CBL: variants seen among roughly 807,000 people sequenced by gnomAD.
CBL encodes E3 ubiquitin-protein ligase CBL.
Under a neutral mutation model 96.9 loss-of-function variants are expected in CBL, and 45 were observed. The observed-to-expected ratio is 0.46, with a 90% CI of 0.37 to 0.60. The LOEUF (loss-of-function observed/expected upper bound fraction) is 0.60, where lower values mean the gene tolerates loss of function less well. CBL is among the 20% of genes least tolerant of loss of function. The pLI is 0.00. For synonymous variants in CBL, 420 were observed against 426.8 expected (o/e 0.98, Z 0.20); for missense variants, 1,024 against 1,143.5 (o/e 0.90, Z 1.51).
At chr11:119,216,446 A>C (rs1429404043) in intron 1 of CBL, among the ~76,000 whole-genome samples, 1 of 151,712 alleles carries the variant, frequency 6.6e-6, no homozygotes, top group East Asian at 1.9e-4. Context: ...ATCTCGGCTT[A>C]CTGCAACCTC....
chr11:119,208,420 C>T (rs1385642711), intron 1 of CBL, among the ~76,000 whole-genome samples: 2 of 148,674 alleles, frequency 1.3e-5, no homozygotes, highest in Non-Finnish European at 3.0e-5. Flanking sequence ...CGGAGTTTTT[C>T]GCTCTTGTTA....
At chr11:119,291,681 G>A (rs775983352) in intron 12 of CBL, among the ~76,000 whole-genome samples, 2 of 152,144 alleles carry the variant, frequency 1.3e-5, no homozygotes, top group African/African-American at 4.8e-5. Flanking sequence ...GCACTCCAGC[G>A]TGGGCAACAC....
intron 1 of CBL, among the ~76,000 whole-genome samples, chr11:119,222,868 A>G (rs1472192553): frequency 6.6e-6 from 1 of 152,106 alleles, no homozygotes; most frequent in Non-Finnish European, 1.5e-5. Flanking sequence ...AAAGAATATT[A>G]ATATCGAGAG....
intron 1 of CBL, among the ~76,000 whole-genome samples, chr11:119,210,684 A>G (rs1233707695): frequency 2.0e-5 from 3 of 146,426 alleles, no homozygotes; most frequent in East Asian, 4.0e-4. Context: ...CCTGGCCTCA[A>G]TTGATCTGCC....
intron 9 of CBL, 44 bp downstream of exon 9, chr11:119,278,757 G>A (rs1363835369): frequency 6.7e-7 from 1 of 1,492,216 alleles, no homozygotes; most frequent in Non-Finnish European, 9.3e-7. Context: ...ATTGTGAGTT[G>A]TCTTCTAAAG....
chr11:119,273,991 T>G lies in CBL; in HGVS notation c.714T>G (p.Val238=), dbSNP rs371523922. The G allele has an allele frequency of 1.2e-6, 2 of 1,614,012 alleles. No homozygotes were observed. The highest frequency in any genetic ancestry group is 2.2e-5 in the East Asian group (1 of 44,896). Residue 238 remains valine (V), a synonymous_variant, in exon 4 of 16, where the codon GTT becomes GTG. Coordinates refer to ENST00000264033, the MANE Select transcript of CBL (RefSeq NM_005188.4). ...IDLTCNDYIS[V]FEFDIFTRLF... is the part of the protein sequence containing the mutation. Reference sequence around the variant, plus strand: ...TGACCTGCAATGATTATATTTCGGTTTTTGAATTTGACATCTTTACCCGAC... The same window carrying G: ...TGACCTGCAATGATTATATTTCGGTGTTTGAATTTGACATCTTTACCCGAC...
chr11:119,236,170 C>T (rs1949544617), intron 2 of CBL, among the ~76,000 whole-genome samples: 1 of 152,096 alleles, frequency 6.6e-6, no homozygotes, highest in Non-Finnish European at 1.5e-5. Context: ...AATTCCAGAA[C>T]ATTTTCACCC....
intron 1 of CBL, among the ~76,000 whole-genome samples, chr11:119,230,386 C>T (rs951201066): frequency 5.3e-5 from 8 of 151,950 alleles, no homozygotes; most frequent in East Asian, 1.9e-4. Flanking sequence ...GTGATCCGCC[C>T]GCCTCAGCCT....
intron 1 of CBL, among the ~76,000 whole-genome samples, chr11:119,219,346 C>T (rs546693086): frequency 7.3e-5 from 11 of 150,956 alleles, no homozygotes; most frequent in Admixed American, 4.0e-4. Flanking sequence ...TCATTGCACT[C>T]CAGCCTGGGC....
At chr11:119,210,772 T>G (rs996096632) in intron 1 of CBL, among the ~76,000 whole-genome samples, 1 of 151,954 alleles carries the variant, frequency 6.6e-6, no homozygotes, top group Non-Finnish European at 1.5e-5. Flanking sequence ...TAAGAGACTT[T>G]AAATTCCATT....
intron 9 of CBL, among the ~76,000 whole-genome samples, chr11:119,282,415 C>A (rs185858845): frequency 1.3e-5 from 2 of 151,958 alleles, no homozygotes; most frequent in East Asian, 3.9e-4. Flanking sequence ...TTAGTTCAAC[C>A]CTCTGTGCCT....
At position 119,213,268 on chromosome 11, in the gene CBL, T is replaced by C. The variant is rs146147834; in HGVS notation, c.195+6656T>C. On this transcript the variant is annotated intron_variant, in intron 1 of 15. Transcript: ENST00000264033. ...CACTTAGAATTTGCAAATTAGTATA[T>C]AGCATTTAATTGGACTACTACTTCA... Among the ~76,000 whole-genome samples, 322 of 152,316 alleles carry C rather than the reference T, an allele frequency of 2.1e-3. 1 individual carries two copies. The highest frequency in any genetic ancestry group is 7.0e-3 in the African/African-American group (293 of 41,566).
At chr11:119,246,271 C>T (rs2086504138) in intron 2 of CBL, among the ~76,000 whole-genome samples, 1 of 151,858 alleles carries the variant, frequency 6.6e-6, no homozygotes, top group South Asian at 2.1e-4. Flanking sequence ...CCGCGCCCGG[C>T]CTTACAAATC....
intron 1 of CBL, among the ~76,000 whole-genome samples, chr11:119,211,655 C>T (rs1949320083): frequency 6.6e-6 from 1 of 151,808 alleles, no homozygotes; most frequent in African/African-American, 2.4e-5. Context: ...AGGTGCCCAC[C>T]AGCACACCCA....
At chr11:119,209,858 A>G (rs573536905) in intron 1 of CBL, among the ~76,000 whole-genome samples, 33 of 152,338 alleles carry the variant, frequency 2.2e-4, no homozygotes, top group African/African-American at 7.9e-4. Context: ...GGCCCGATTT[A>G]CTAATCCATT....
At position 119,206,468 on chromosome 11, in the gene CBL, CG is replaced by C. The variant is rs2135244026; in HGVS notation, c.56del (p.Gly19AlafsTer7). ...CTGGGGCCGGGGGCGGCAGCGGCTCCGGGGGCTCGGGTTCGGGTGGCCTGAT... is the reference window on the plus strand; with the variant it reads ...CTGGGGCCGGGGGCGGCAGCGGCTCCGGGGCTCGGGTTCGGGTGGCCTGAT... ...SSGAGGGSGS[G>X]GSGSGGLIGL... On this transcript the variant is annotated frameshift_variant, in exon 1 of 16. Coordinates refer to ENST00000264033, the MANE Select transcript of CBL (RefSeq NM_005188.4). LOFTEE classifies it high-confidence loss of function. The C allele has an allele frequency of 4.4e-6, 7 of 1,575,148 alleles. No individual in the cohort carries two copies. In the Admixed American group the frequency reaches 5.5e-5, roughly 12 times the overall value.
At chr11:119,282,298 AT>A (rs1212120146) in intron 9 of CBL, among the ~76,000 whole-genome samples, 1 of 150,880 alleles carries the variant, frequency 6.6e-6, no homozygotes, top group African/African-American at 2.4e-5. Flanking sequence ...AGATCGCACT[AT>A]TTCACTCCAG....
chr11:119,284,840 T>G, intron 9 of CBL, 129 bp from the exon 10 acceptor site: 1 of 1,151,412 alleles, frequency 8.7e-7, no homozygotes, highest in East Asian at 2.3e-5. Context: ...GTGTGCGACC[T>G]CAAACCTAGG....
In CBL at chr11:119,300,514, GGTTT is replaced by G; in HGVS notation, c.*739_*742del. 2.5e-6 allele frequency: 1 copy of G among 399,938 alleles called. No individual in the cohort carries two copies. Among genetic ancestry groups the G allele is most frequent in the Non-Finnish European group, 4.4e-6 (1 of 226,782 alleles). The allele number at this position is 399,938 out of a possible 1,614,324, so 24.8% of individuals were successfully genotyped here. A position where few individuals can be genotyped will look rare whatever the true frequency, so the allele number is the denominator to read the frequency against. The stretch of plus-strand genomic sequence containing the variant: ...GTTCTTTATTGTGTGTGATGGTATT[GGTTT>G]GTTTGGTAGATAAGTGGGAGGAAAA... On this transcript the variant is annotated 3_prime_UTR_variant, in exon 16 of 16. Transcript: ENST00000264033.
Sources: gnomAD v4.1 joint callset for allele counts (sites outside exome capture counted in the v4.1 genomes callset) on GRCh38, gnomAD v4.1.1 for gene constraint, MANE v1.5 for transcripts, NCBI Gene and HGNC (gene_info 2026-07-23, HGNC 2026-07-21) for gene names.